SCN2A: variants seen among roughly 807,000 people sequenced by gnomAD.
SCN2A encodes sodium channel protein type 2 subunit alpha.
Under a neutral mutation model 188.7 loss-of-function variants are expected in SCN2A, and 20 were observed. The ratio of observed to expected loss-of-function variants is 0.11; its 90% CI spans 0.07 to 0.15. SCN2A has a LOEUF of 0.15. Among genes scored for constraint, SCN2A ranks in the 10% least tolerant of loss-of-function variants. SCN2A has a pLI of 1.00. For synonymous variants in SCN2A, 804 were observed against 833.1 expected, an observed-to-expected ratio of 0.97 and a Z score of 0.60; for missense variants, 1,278 against 2,445.0, an observed-to-expected ratio of 0.52 and a Z score of 10.07.
chr2:165,314,479 C>G (rs1050157910), intron 10 of SCN2A, among the ~76,000 whole-genome samples: 9 of 152,262 alleles, frequency 5.9e-5, no homozygotes, highest in Middle Eastern at 3.4e-3. Context: ...ACACTTGCTT[C>G]TTCATTGCAG....
intron 3 of SCN2A, among the ~76,000 whole-genome samples, chr2:165,298,936 A>T (rs948702576): frequency 6.8e-6 from 1 of 146,238 alleles, no homozygotes; most frequent in Non-Finnish European, 1.5e-5. Context: ...GATACAAAAA[A>T]AGTGAAAAAA....
At chr2:165,309,035 T>C (rs1697289464) in intron 5 of SCN2A, 4 of 1,140,024 alleles carry the variant, frequency 3.5e-6, no homozygotes, top group Non-Finnish European at 5.1e-6. Context: ...TTATGATTGA[T>C]GACAATGCCA....
Position 165,310,615 on chromosome 2 carries a change from C to G in SCN2A, c.970+20C>G, listed in dbSNP as rs190639791. On this transcript the variant is annotated intron_variant, in intron 7 of 26. Coordinates refer to ENST00000375437, the MANE Select transcript of SCN2A (RefSeq NM_001040142.2). ...ATAAAAGTAAGATATACTCTATAAA[C>G]CATTAAGTTGTTTAGTTCTCTAAAT... The G allele has an allele frequency of 5.9e-5, 93 of 1,569,056 alleles. No homozygotes were observed. Among genetic ancestry groups the G allele is most frequent in the Non-Finnish European group, 7.8e-5 (89 of 1,146,932 alleles).
At chr2:165,243,319 A>G (rs1448576699) in intron 1 of SCN2A, among the ~76,000 whole-genome samples, 1 of 151,986 alleles carries the variant, frequency 6.6e-6, no homozygotes, top group Non-Finnish European at 1.5e-5. Flanking sequence ...AGTCAATGTC[A>G]TGGCCGGGTG....
Position 165,354,439 on chromosome 2 carries a change from A to G in SCN2A, c.3167A>G (p.His1056Arg). Residue 1056 changes from histidine (H) to arginine (R), a missense_variant, in exon 17 of 27, where the codon CAT (histidine) becomes CGT (arginine). His to Arg is a conservative substitution (Grantham distance 29). This residue lies in a region of SCN2A where 228 missense variants were observed against 297.3 expected (regional missense o/e 0.77). Transcript: ENST00000375437. ...NNKKDSCISN[H>R]TTIEIGKDLN... ...AAAAAAGACAGCTGTATTTCCAACC[A>G]TACCACCATAGAAATAGGCAAAGAC... The G allele has an allele frequency of 3.1e-6, 5 of 1,614,156 alleles. No individual in the cohort carries two copies. Among genetic ancestry groups the G allele is most frequent in the Non-Finnish European group, 4.2e-6 (5 of 1,180,006 alleles).
chr2:165,370,008 C>T (rs1421128186), intron 19 of SCN2A, 118 bp from the exon 20 acceptor site: 6 of 817,436 alleles, frequency 7.3e-6, no homozygotes, highest in African/African-American at 3.5e-5. Context: ...CCATGGGAAA[C>T]ATTAAACCTT....
chr2:165,377,552 A>G (rs1244597868), intron 22 of SCN2A, 45 bp from the exon 23 acceptor site: 1 of 1,495,282 alleles, frequency 6.7e-7, no homozygotes, highest in Admixed American at 1.7e-5. Flanking sequence ...ATTTTCTAAA[A>G]TTATAATTTT....
At chr2:165,289,577 A>G (rs967959078) in intron 1 of SCN2A, among the ~76,000 whole-genome samples, 1 of 152,108 alleles carries the variant, frequency 6.6e-6, no homozygotes, top group South Asian at 2.1e-4. Context: ...AATATATGTC[A>G]TATAGAACTC....
chr2:165,383,661 A>G (rs73969395), intron 25 of SCN2A, among the ~76,000 whole-genome samples: 2,080 of 152,280 alleles, frequency 0.014, 43 homozygotes, highest in African/African-American at 0.047. Context: ...CCTGAACCAT[A>G]GCAATGTGCA....
chr2:165,354,730 A>G, intron 17 of SCN2A, 59 bp downstream of exon 17: 1 of 1,557,860 alleles, frequency 6.4e-7, no homozygotes, highest in Non-Finnish European at 8.8e-7. Flanking sequence ...GTTTAAAATT[A>G]TCAGGTGTTT....
At chr2:165,371,234 G>A (rs1302310724) in intron 20 of SCN2A, 1 of 152,106 alleles carries the variant, frequency 6.6e-6, no homozygotes, top group Non-Finnish European at 1.5e-5. Context: ...TTGTCCTGCA[G>A]CTAATGATCA....
chr2:165,262,666 C>T (rs1223089489), intron 1 of SCN2A, among the ~76,000 whole-genome samples: 1 of 152,028 alleles, frequency 6.6e-6, no homozygotes, highest in East Asian at 1.9e-4. Flanking sequence ...GGCGTTTGGG[C>T]TGGTGCCATA....
At chr2:165,370,446 A>T (rs1224810542) in intron 20 of SCN2A, 147 bp downstream of exon 20, 4 of 821,912 alleles carry the variant, frequency 4.9e-6, no homozygotes, top group Non-Finnish European at 8.2e-6. Context: ...AGGATGCCTC[A>T]AAACATTTTT....
At chr2:165,346,884 A>G (rs936093693) in intron 16 of SCN2A, among the ~76,000 whole-genome samples, 13 of 152,258 alleles carry the variant, frequency 8.5e-5, no homozygotes, top group Non-Finnish European at 1.9e-4. Flanking sequence ...AATCAAAACC[A>G]CAATGAGATA....
At chr2:165,276,023 G>T (rs940645440) in intron 1 of SCN2A, among the ~76,000 whole-genome samples, 1 of 152,158 alleles carries the variant, frequency 6.6e-6, no homozygotes, top group African/African-American at 2.4e-5. Flanking sequence ...ATGAGCCACT[G>T]CACTCAGCCA....
intron 20 of SCN2A, chr2:165,371,894 C>G (rs575595824): frequency 6.6e-6 from 1 of 152,224 alleles, no homozygotes; most frequent in African/African-American, 2.4e-5. Context: ...GCTGCAATGT[C>G]CCAGAAAGAG....
At chr2:165,341,371 G>C (rs1230925174) in intron 14 of SCN2A, among the ~76,000 whole-genome samples, 2 of 152,206 alleles carry the variant, frequency 1.3e-5, no homozygotes, top group East Asian at 3.9e-4. Context: ...GGGATTACAG[G>C]CGTGAGCCAC....
intron 1 of SCN2A, among the ~76,000 whole-genome samples, chr2:165,259,399 TG>T (rs1694475452): frequency 6.6e-6 from 1 of 152,250 alleles, no homozygotes; most frequent in African/African-American, 2.4e-5. Context: ...CCCTTTGGCA[TG>T]CAATCCTGTT....
intron 17 of SCN2A, among the ~76,000 whole-genome samples, chr2:165,362,060 G>T (rs1260914199): frequency 1.3e-5 from 2 of 151,980 alleles, no homozygotes; most frequent in Non-Finnish European, 2.9e-5. Flanking sequence ...CCTCGCACTG[G>T]TCATTCATTC....
Sources: allele counts gnomAD v4.1 joint callset (sites outside exome capture counted in the v4.1 genomes callset), GRCh38; gene constraint gnomAD v4.1.1; regional missense constraint gnomAD v4.1.1; transcripts MANE v1.5; gene names NCBI Gene and HGNC (gene_info 2026-07-23, HGNC 2026-07-21).